Variants in CDH6 observed in about 807,000 individuals in gnomAD.
CDH6 encodes the protein cadherin-6.
Under a neutral mutation model 78.0 loss-of-function variants are expected in CDH6, and 31 were observed. The observed-to-expected ratio is 0.40, with a 90% confidence interval of 0.30 to 0.54. CDH6 has a LOEUF of 0.54. Among genes scored for constraint, CDH6 ranks in the 20% least tolerant of loss-of-function variants. The pLI is 0.56. For synonymous variants in CDH6, 376 were observed against 368.8 expected (o/e 1.02, Z -0.23); for missense variants, 724 against 975.9 (o/e 0.74, Z 3.44).
chr5:31,300,411 G>A (rs1287985179), intron 5 of CDH6, among the ~76,000 whole-genome samples: 5 of 152,078 alleles, frequency 3.3e-5, no homozygotes, highest in Non-Finnish European at 5.9e-5. Flanking sequence ...CAGCTGATAC[G>A]GGCTTCCTTT....
Position 31,316,448 on chromosome 5 carries a change from C to T in CDH6, c.1512+119C>T, listed in dbSNP as rs181030804. Reference sequence around the variant, plus strand: ...TGAATTATCTATGAAGTGAATGCTACGGAAATTAATACTATAAATAAGAAC... The same window carrying T: ...TGAATTATCTATGAAGTGAATGCTATGGAAATTAATACTATAAATAAGAAC... On this transcript the variant is annotated intron_variant, in intron 9 of 11. Transcript: ENST00000265071. The T allele has an allele frequency of 6.8e-4, 553 of 817,022 alleles. 4 individuals carry two copies. In the South Asian group the frequency reaches 7.6e-3, roughly 11 times the overall value. 50.6% of individuals were successfully genotyped at this position (817,022 alleles called of 1,614,324 possible).
At chr5:31,228,659 C>T (rs906513322) in intron 1 of CDH6, among the ~76,000 whole-genome samples, 3 of 152,162 alleles carry the variant, frequency 2.0e-5, no homozygotes, top group Admixed American at 6.5e-5. Context: ...GATCATCATG[C>T]GTTAGCTACA....
At chr5:31,246,389 G>A (rs1741747093) in intron 1 of CDH6, among the ~76,000 whole-genome samples, 1 of 152,176 alleles carries the variant, frequency 6.6e-6, no homozygotes, top group African/African-American at 2.4e-5. Flanking sequence ...AAAATGTCAA[G>A]GATAATTTAT....
intron 1 of CDH6, among the ~76,000 whole-genome samples, chr5:31,230,234 A>G (rs1043921895): frequency 4.6e-5 from 7 of 152,220 alleles, no homozygotes; most frequent in Non-Finnish European, 7.3e-5. Context: ...ATTGCAAATT[A>G]AAAGATCAAC....
intron 1 of CDH6, among the ~76,000 whole-genome samples, chr5:31,222,561 ATC>A (rs1465920095): frequency 6.6e-6 from 1 of 152,182 alleles, no homozygotes; most frequent in Non-Finnish European, 1.5e-5. Flanking sequence ...AATTAGAATC[ATC>A]TCCTGGGTGC....
At chr5:31,282,802 T>C (rs967425436) in intron 2 of CDH6, among the ~76,000 whole-genome samples, 1 of 152,212 alleles carries the variant, frequency 6.6e-6, no homozygotes, top group African/African-American at 2.4e-5. Context: ...TAAACTTCTT[T>C]TGCTTTTAGC....
intron 11 of CDH6, among the ~76,000 whole-genome samples, chr5:31,320,469 A>C (rs911197518): frequency 2.0e-5 from 3 of 152,168 alleles, no homozygotes; most frequent in Non-Finnish European, 2.9e-5. Context: ...GCCCATGTAC[A>C]TAAGAGCTTA....
chr5:31,200,614 C>G (rs570688789), intron 1 of CDH6, among the ~76,000 whole-genome samples: 1 of 150,214 alleles, frequency 6.7e-6, no homozygotes, highest in Non-Finnish European at 1.5e-5. Flanking sequence ...ACACCACTAC[C>G]ATGCCACCAG....
Position 31,294,291 on chromosome 5 carries a change from T to G in CDH6, c.523+35T>G, listed in dbSNP as rs1561062031. On this transcript the variant is annotated intron_variant, in intron 3 of 11. Coordinates refer to ENST00000265071, the MANE Select transcript of CDH6 (RefSeq NM_004932.4). The surrounding 1 kb of genome is among the most constrained non-coding windows in gnomAD (Gnocchi z 4.1). The stretch of plus-strand genomic sequence containing the variant: ...ACGTGACTTCAGCCAAAAGCTGGCT[T>G]TCCCCTAGTGCATCCACTGAGTAAG... 1.9e-6 allele frequency: 3 copies of G among 1,575,090 alleles called. No homozygotes were observed. Among genetic ancestry groups the G allele is most frequent in the Non-Finnish European group, 2.6e-6 (3 of 1,155,254 alleles).
At chr5:31,199,250 T>G (rs1740253749) in intron 1 of CDH6, among the ~76,000 whole-genome samples, 1 of 151,344 alleles carries the variant, frequency 6.6e-6, no homozygotes, top group Admixed American at 6.6e-5. Flanking sequence ...CATATGTGTA[T>G]ATATATATGC....
At chr5:31,307,377 A>G (rs1227166258) in intron 7 of CDH6, among the ~76,000 whole-genome samples, 1 of 152,206 alleles carries the variant, frequency 6.6e-6, no homozygotes, top group African/African-American at 2.4e-5. Context: ...CAAGCCCCAC[A>G]TCTCAAACAC....
Position 31,323,208 on chromosome 5 carries a change from C to G in CDH6, c.2273C>G (p.Thr758Arg). 6.2e-7 allele frequency: 1 copy of G among 1,614,152 alleles called. No individual in the cohort carries two copies. The highest frequency in any genetic ancestry group is 2.2e-5 in the East Asian group (1 of 44,886). The change falls in exon 12 of 12, where the codon ACG becomes AGG. Residue 758 changes from threonine (T) to arginine (R), a missense_variant. Coordinates refer to ENST00000265071, the MANE Select transcript of CDH6 (RefSeq NM_004932.4). ...CTGAGCTCGCTGGAGTCAGTGACCACGGATGCAGATCAAGACTATGATTAC... is the reference window on the plus strand; with the variant it reads ...CTGAGCTCGCTGGAGTCAGTGACCAGGGATGCAGATCAAGACTATGATTAC... ...DSLSSLESVT[T>R]DADQDYDYLS...
chr5:31,319,524 A>G (rs1283971107), intron 11 of CDH6, among the ~76,000 whole-genome samples: 1 of 152,236 alleles, frequency 6.6e-6, no homozygotes, highest in African/African-American at 2.4e-5. Flanking sequence ...GATGTGAAGT[A>G]ATGTAGCCAA....
chr5:31,198,195 T>G (rs952303988), intron 1 of CDH6, among the ~76,000 whole-genome samples: 16 of 152,328 alleles, frequency 1.1e-4, no homozygotes, highest in African/African-American at 3.4e-4. Context: ...GAAGGCTGAA[T>G]GCTCTGAGCA....
At chr5:31,252,228 A>G (rs1365475419) in intron 1 of CDH6, among the ~76,000 whole-genome samples, 1 of 152,180 alleles carries the variant, frequency 6.6e-6, no homozygotes, top group East Asian at 1.9e-4. Flanking sequence ...TACAGTCATA[A>G]GAAAGAAATT....
In CDH6 at chr5:31,324,132, C is replaced by A; in HGVS notation, c.*824C>A. 4.5e-6 allele frequency: 1 copy of A among 221,520 alleles called. No homozygotes were observed. Among genetic ancestry groups the A allele is most frequent in the Non-Finnish European group, 9.0e-6 (1 of 110,772 alleles). The allele number at this position is 221,520 out of a possible 1,614,324, so 13.7% of individuals were successfully genotyped here. On this transcript the variant is annotated 3_prime_UTR_variant, in exon 12 of 12. Transcript: ENST00000265071. ...CATGTATCACGGGTCACTTGAAATT[C>A]TTTCAGCTATCAGTAGGCTAATGTC... is the stretch of plus-strand genomic sequence containing the variant.
At chr5:31,199,372 GAT>G (rs1351123700) in intron 1 of CDH6, among the ~76,000 whole-genome samples, 18 of 148,468 alleles carry the variant, frequency 1.2e-4, no homozygotes, top group Non-Finnish European at 2.7e-4. Context: ...GTATATATAT[GAT>G]ATATATGGTG....
Position 31,267,369 on chromosome 5 carries a change from G to T in CDH6, c.-105G>T. 1.3e-6 allele frequency: 1 copy of T among 781,824 alleles called. No homozygotes were observed. The highest frequency in any genetic ancestry group is 2.2e-6 in the Non-Finnish European group (1 of 462,268). The allele number at this position is 781,824 out of a possible 1,614,324, so 48.4% of individuals were successfully genotyped here. ...AGATATCCTCTGAGAGCCAAGCAAA[G>T]AACATTAAGGAAGGAAGGAGGAATG... On this transcript the variant is annotated 5_prime_UTR_variant, in exon 2 of 12. Transcript: ENST00000265071.
intron 2 of CDH6, among the ~76,000 whole-genome samples, chr5:31,271,005 A>G (rs1742515986): frequency 6.6e-6 from 1 of 152,218 alleles, no homozygotes; most frequent in African/African-American, 2.4e-5. Flanking sequence ...CATGCCATTC[A>G]AGCAGATTAC....
Sources: gnomAD v4.1 joint callset for allele counts (sites outside exome capture counted in the v4.1 genomes callset) on GRCh38, gnomAD v4.1.1 for gene constraint, Gnocchi (gnomAD v3.1) non-coding constraint, MANE v1.5 for transcripts, NCBI Gene and HGNC (gene_info 2026-07-23, HGNC 2026-07-21) for gene names.